Variants in PSMD2 observed in about 807,000 individuals in gnomAD.
PSMD2 encodes proteasome 26S subunit ubiquitin receptor, non-ATPase 2, also known as 26S proteasome non-ATPase regulatory subunit 2.
A neutral mutation model predicts 101.5 loss-of-function variants in PSMD2; 8 were observed. That is an observed-to-expected ratio of 0.08 (90% CI 0.05 to 0.14). The LOEUF is 0.14. Among genes scored for constraint, PSMD2 ranks in the 10% least tolerant of loss-of-function variants. The pLI is 1.00. For missense variants in PSMD2, 784 were observed against 1,147.4 expected (o/e 0.68, Z 4.58); for synonymous variants, 418 against 433.8 (o/e 0.96, Z 0.45).
Position 184,304,762 on chromosome 3 carries a change from T to G in PSMD2, c.1539+371T>G, listed in dbSNP as rs1190901402. ...AAAAATTAGCCGGGTGTGGTGGTGC[T>G]CGCCTGTAGTGCCAGCTACTAGGGA... On this transcript the variant is annotated intron_variant, in intron 12 of 20. Coordinates refer to ENST00000310118, the MANE Select transcript of PSMD2 (RefSeq NM_002808.5). The surrounding 1 kb of genome is among the most constrained non-coding windows in gnomAD (Gnocchi z 4.1). Among the ~76,000 whole-genome samples the G allele has an allele frequency of 1.3e-5, 2 of 152,062 alleles. No homozygotes were observed. Among genetic ancestry groups the G allele is most frequent in the African/African-American group, 4.8e-5 (2 of 41,388 alleles).
In PSMD2 at chr3:184,308,869, G is replaced by A. The variant is rs1721937374; in HGVS notation, c.2706G>A (p.Lys902=). The change falls in exon 21 of 21, where the codon AAG becomes AAA. Residue 902 remains lysine (K), a synonymous_variant. Coordinates refer to ENST00000310118, the MANE Select transcript of PSMD2 (RefSeq NM_002808.5). This position sits in a 1 kb window ranked among gnomAD's most constrained non-coding sequence, Gnocchi z 6.0. ...TGGAAGGTTTTGTTATCCTTCGGAAGAACCCCAATTATGATCTCTAAGTGA... is the reference window on the plus strand; with the variant it reads ...TGGAAGGTTTTGTTATCCTTCGGAAAAACCCCAATTATGATCTCTAAGTGA... ...PILEGFVILR[K]NPNYDL 6.2e-7 allele frequency: 1 copy of A among 1,612,248 alleles called. No individual in the cohort carries two copies. Among genetic ancestry groups the A allele is most frequent in the Admixed American group, 1.7e-5 (1 of 60,014 alleles).
Position 184,308,019 on chromosome 3 carries a change from G to A in PSMD2, c.2425+3G>A, listed in dbSNP as rs1237937648. On this transcript the variant is annotated splice_donor_region_variant and intron_variant, in intron 19 of 20. Coordinates refer to ENST00000310118, the MANE Select transcript of PSMD2 (RefSeq NM_002808.5). This position sits in a 1 kb window ranked among gnomAD's most constrained non-coding sequence, Gnocchi z 6.0. ...CTCTTTCCTGGATGTTCGAAACAGTGAGTTCCTGTCAGAAATTTTATATCA... is the reference window on the plus strand; with the variant it reads ...CTCTTTCCTGGATGTTCGAAACAGTAAGTTCCTGTCAGAAATTTTATATCA... The A allele has an allele frequency of 4.3e-6, 7 of 1,613,744 alleles. No individual in the cohort carries two copies. The South Asian group carries it at 7.7e-5, about 18-fold the overall frequency.
rs1173315084 is a variant in PSMD2 at position 184,301,388 on chromosome 3, G to A, written c.358-149G>A. 5 of 1,069,854 alleles carry A rather than the reference G, an allele frequency of 4.7e-6. No individual in the cohort carries two copies. The East Asian group carries it at 1.3e-4, about 27-fold the overall frequency. The allele number at this position is 1,069,854 out of a possible 1,614,324, so 66.3% of individuals were successfully genotyped here. A position where few individuals can be genotyped will look rare whatever the true frequency, so the allele number is the denominator to read the frequency against. On this transcript the variant is annotated intron_variant, in intron 3 of 20. Coordinates refer to ENST00000310118, the MANE Select transcript of PSMD2 (RefSeq NM_002808.5). ...ACAACACCAACCTTGGTTTTTGTGA[G>A]GTTTAGCTTACATAACATGTTAAAT... is the stretch of plus-strand genomic sequence containing the variant.
In PSMD2 at chr3:184,299,380, C is replaced by T; in HGVS notation, c.114C>T (p.Asp38=). 1 of 1,399,488 alleles carries T rather than the reference C, an allele frequency of 7.1e-7. No homozygotes were observed. Among genetic ancestry groups the T allele is most frequent in the South Asian group, 1.5e-5 (1 of 66,506 alleles). The allele number at this position is 1,399,488 out of a possible 1,614,324, so 86.7% of individuals were successfully genotyped here. Reference sequence around the variant, plus strand: ...GCAAGGAGCGGCGGGATGCCGGGGACAAGGACAAAGAACAGGAGCTGGTGA... The same window carrying T: ...GCAAGGAGCGGCGGGATGCCGGGGATAAGGACAAAGAACAGGAGCTGGTGA... ...PSGKERRDAG[D]KDKEQELSEE... Residue 38 remains aspartate, a synonymous_variant, in exon 1 of 21, where the codon GAC becomes GAT. Transcript: ENST00000310118.
intron 3 of PSMD2, 64 bp from the exon 4 acceptor site, chr3:184,301,473 A>G (rs1353845992): frequency 6.3e-7 from 1 of 1,585,914 alleles, no homozygotes; most frequent in Non-Finnish European, 8.6e-7. Flanking sequence ...TCTTGATTCC[A>G]CAATGCATGC....
In PSMD2 at chr3:184,308,617, G is replaced by T. The variant is rs1216045270; in HGVS notation, c.2544+50G>T. 6.3e-7 allele frequency: 1 copy of T among 1,590,438 alleles called. No homozygotes were observed. The highest frequency in any genetic ancestry group is 8.6e-7 in the Non-Finnish European group (1 of 1,160,374). ...GCTCAGGCTGTATTCTCAAACTGGA[G>T]AATGTACATATACTTGCTTTGCTGA... On this transcript the variant is annotated intron_variant, in intron 20 of 20. Coordinates refer to ENST00000310118, the MANE Select transcript of PSMD2 (RefSeq NM_002808.5). This position sits in a 1 kb window ranked among gnomAD's most constrained non-coding sequence, Gnocchi z 6.0.
chr3:184,300,198 A>T, intron 2 of PSMD2, 82 bp from the exon 3 acceptor site: 3 of 1,332,426 alleles, frequency 2.3e-6, no homozygotes, highest in Middle Eastern at 5.1e-4. Context: ...TCCTTGGAGG[A>T]GTTGTTAAGT....
chr3:184,301,566 G>C lies in PSMD2; in HGVS notation c.387G>C (p.Leu129Phe), dbSNP rs201660584. The change falls in exon 4 of 21, where the codon TTG becomes TTC. Residue 129 changes from leucine to phenylalanine, a missense_variant. Around this residue, in one of 6 missense-constraint regions of PSMD2, gnomAD observed 196 missense variants for 182.4 expected, o/e 1.07. Coordinates refer to ENST00000310118, the MANE Select transcript of PSMD2 (RefSeq NM_002808.5). ...KRFAADIISV[L>F]AMTMSGEREC... ...TTGCTGCTGACATCATCTCCGTTTT[G>C]GCCATGACCATGAGTGGGGAGCGTG... is the stretch of plus-strand genomic sequence containing the variant. 1 of 1,613,970 alleles carries C rather than the reference G, an allele frequency of 6.2e-7. No homozygotes were observed. The highest frequency in any genetic ancestry group is 8.5e-7 in the Non-Finnish European group (1 of 1,179,950).
chr3:184,305,647 T>C (rs770971580), intron 12 of PSMD2, 121 bp from the exon 13 acceptor site: 74 of 900,996 alleles, frequency 8.2e-5, no homozygotes, highest in Non-Finnish European at 1.2e-4. Context: ...TATTTTGATA[T>C]TATGAACTAA....
chr3:184,308,459 C>A lies in PSMD2; in HGVS notation c.2436C>A (p.Gly812=), dbSNP rs200101382. The A allele has an allele frequency of 1.2e-6, 2 of 1,607,686 alleles. No individual in the cohort carries two copies. Among genetic ancestry groups the A allele is most frequent in the African/African-American group, 2.7e-5 (2 of 74,708 alleles). The change falls in exon 20 of 21, where the codon GGC becomes GGA. Residue 812 remains glycine, a synonymous_variant. Transcript: ENST00000310118. The surrounding 1 kb of genome is among the most constrained non-coding windows in gnomAD (Gnocchi z 6.0). Reference sequence around the variant, plus strand: ...GTCTGCTTCCCTCAGTTATTCTAGGCAAATCACACTATGTATTGTATGGGC... The same window carrying A: ...GTCTGCTTCCCTCAGTTATTCTAGGAAAATCACACTATGTATTGTATGGGC... ...SFLDVRNIIL[G]KSHYVLYGLV... is the part of the protein sequence containing the mutation.
rs529043668 is a variant in PSMD2, at chr3:184,302,197, ATGTG to A, written c.704+131_704+134del. ...GCATCACGCTGTAGTTAATCTTTTG[ATGTG>A]TGTGAGTTTCTTGAGGACAGAGACT... On this transcript the variant is annotated intron_variant, in intron 5 of 20. Coordinates refer to ENST00000310118, the MANE Select transcript of PSMD2 (RefSeq NM_002808.5). 4,959 of 1,231,004 alleles carry A rather than the reference ATGTG, an allele frequency of 4.0e-3. 19 individuals carry two copies. Among genetic ancestry groups the A allele is most frequent in the Non-Finnish European group, 5.2e-3 (4,534 of 869,952 alleles). The allele number at this position is 1,231,004 out of a possible 1,614,324, so 76.3% of individuals were successfully genotyped here. A position where few individuals can be genotyped will look rare whatever the true frequency, so the allele number is the denominator to read the frequency against.
In PSMD2 at chr3:184,300,414, CTA is replaced by C; in HGVS notation, c.329_330del (p.Tyr110Ter). 6.2e-7 allele frequency: 1 copy of C among 1,614,122 alleles called. No homozygotes were observed. Among genetic ancestry groups the C allele is most frequent in the Non-Finnish European group, 8.5e-7 (1 of 1,179,986 alleles). ...CACACTATGGCAAACTGAAGGAAATCTATGAGAACATGGCCCCTGGGGAGAAT... is the reference window on the plus strand; with the variant it reads ...CACACTATGGCAAACTGAAGGAAATCTGAGAACATGGCCCCTGGGGAGAAT... Reference protein sequence around the residue: ...RPHYGKLKEIYENMAPGENKR... With the variant: ...RPHYGKLKEIXENMAPGENKR... On this transcript the variant is annotated frameshift_variant, in exon 3 of 21. Transcript: ENST00000310118. LOFTEE classifies it high-confidence loss of function.
chr3:184,306,956 CTTT>C, intron 16 of PSMD2, 122 bp downstream of exon 16: 1 of 808,128 alleles, frequency 1.2e-6, no homozygotes, highest in Admixed American at 2.9e-5. Flanking sequence ...CCTTTTCTTT[CTTT>C]TTTCTTTTCT....
Position 184,299,338 on chromosome 3 carries a change from G to A in PSMD2, c.72G>A (p.Thr24=), listed in dbSNP as rs931077364. The part of the protein sequence containing the change: ...QQSPAAAPGG[T]DEKPSGKERR... ...CTCCAGCGGCGGCCCCCGGCGGCAC[G>A]GACGAGAAGCCGAGCGGCAAGGAGC... Residue 24 remains threonine (T), a synonymous_variant, in exon 1 of 21, where the codon ACG becomes ACA. Coordinates refer to ENST00000310118, the MANE Select transcript of PSMD2 (RefSeq NM_002808.5). The A allele has an allele frequency of 2.8e-6, 4 of 1,411,304 alleles. No individual in the cohort carries two copies. Among genetic ancestry groups the A allele is most frequent in the East Asian group, 3.0e-5 (1 of 33,338 alleles). 87.4% of individuals were successfully genotyped at this position (1,411,304 alleles called of 1,614,324 possible). A position where few individuals can be genotyped will look rare whatever the true frequency, so the allele number is the denominator to read the frequency against.
chr3:184,301,960 A>G lies in PSMD2; in HGVS notation c.593A>G (p.His198Arg), dbSNP rs1721658622. The G allele has an allele frequency of 1.2e-6, 2 of 1,614,130 alleles. No individual in the cohort carries two copies. Among genetic ancestry groups the G allele is most frequent in the South Asian group, 2.2e-5 (2 of 91,090 alleles). Residue 198 changes from histidine to arginine, a missense_variant, in exon 5 of 21, where the codon CAC becomes CGC. Around this residue, in one of 6 missense-constraint regions of PSMD2, gnomAD observed 208 missense variants for 301.6 expected, o/e 0.69. Coordinates refer to ENST00000310118, the MANE Select transcript of PSMD2 (RefSeq NM_002808.5). ...GAAATCGTCCCCTATAACATGGCCC[A>G]CAATGCAGAGCATGAGGCTTGCGAC... Reference protein sequence around the residue: ...VKEIVPYNMAHNAEHEACDLL... With the variant: ...VKEIVPYNMARNAEHEACDLL...
chr3:184,301,817 GCT>G (rs1387918129), intron 4 of PSMD2, 28 bp from the exon 5 acceptor site: 2 of 1,613,558 alleles, frequency 1.2e-6, no homozygotes, highest in African/African-American at 1.3e-5. Flanking sequence ...CTGAAGCTGT[GCT>G]CTCTTAATCG....
In PSMD2 at chr3:184,301,862, A is replaced by G; in HGVS notation, c.495A>G (p.Glu165=). 2 of 1,614,180 alleles carry G rather than the reference A, an allele frequency of 1.2e-6. No homozygotes were observed. The highest frequency in any genetic ancestry group is 1.7e-6 in the Non-Finnish European group (2 of 1,180,044). Residue 165 remains glutamate, a synonymous_variant, in exon 5 of 21, where the codon GAA becomes GAG. Coordinates refer to ENST00000310118, the MANE Select transcript of PSMD2 (RefSeq NM_002808.5). ...GHEYVRHLAG[E]VAKEWQELDD... is the part of the protein sequence containing the mutation. ...CTATCTGTAGGCATCTGGCAGGAGA[A>G]GTGGCTAAGGAGTGGCAGGAGCTGG...
chr3:184,300,131 GC>G, intron 2 of PSMD2, 148 bp from the exon 3 acceptor site: 1 of 947,382 alleles, frequency 1.1e-6, no homozygotes, highest in South Asian at 1.7e-5. Context: ...TTGTTTTTGT[GC>G]CAGGCAGGGT....
chr3:184,302,225 CTT>C, intron 5 of PSMD2, 143 bp from the exon 6 acceptor site: 3 of 1,163,422 alleles, frequency 2.6e-6, no homozygotes. Context: ...AGGACAGAGA[CTT>C]TGTGTCTTCT....
Sources: allele counts gnomAD v4.1 joint callset (sites outside exome capture counted in the v4.1 genomes callset), GRCh38; gene constraint gnomAD v4.1.1; regional missense constraint gnomAD v4.1.1; non-coding constraint Gnocchi (gnomAD v3.1); transcripts MANE v1.5; gene names NCBI Gene and HGNC (gene_info 2026-07-23, HGNC 2026-07-21).